The following NELL2 variants were observed in gnomAD, a reference collection of about 807,000 sequenced individuals.
NELL2 encodes protein kinase C-binding protein NELL2.
Under a neutral mutation model 109.6 loss-of-function variants are expected in NELL2, and 41 were observed. The observed-to-expected ratio is 0.37, with a 90% confidence interval of 0.29 to 0.49. The LOEUF (loss-of-function observed/expected upper bound fraction) is 0.49, where lower values mean the gene tolerates loss of function less well. NELL2 is among the 20% of genes least tolerant of loss of function. The pLI is 0.98. For synonymous variants in NELL2, 355 were observed against 344.7 expected (o/e 1.03, Z -0.33); for missense variants, 900 against 1,008.3 (o/e 0.89, Z 1.45).
chr12:44,791,089 A>ATATATG (rs1942378860), intron 3 of NELL2, among the ~76,000 whole-genome samples: 1 of 12,120 alleles, frequency 8.3e-5, no homozygotes, highest in African/African-American at 2.0e-4. Flanking sequence ...ATACATATAT[A>ATATATG]TATATATGTA....
chr12:44,788,092 C>T (rs1042923428), intron 3 of NELL2, among the ~76,000 whole-genome samples: 1 of 152,022 alleles, frequency 6.6e-6, no homozygotes, highest in Non-Finnish European at 1.5e-5. Flanking sequence ...TATAAAAGAA[C>T]TCTCAAAACT....
intron 13 of NELL2, among the ~76,000 whole-genome samples, chr12:44,647,099 T>C (rs1043668463): frequency 6.6e-6 from 1 of 152,106 alleles, no homozygotes; most frequent in African/African-American, 2.4e-5. Context: ...TCTAAACACC[T>C]AGAATTTGAG....
chr12:44,879,998 C>T (rs1945392433), upstream of NELL2, among the ~76,000 whole-genome samples: 1 of 151,714 alleles, frequency 6.6e-6, no homozygotes, highest in African/African-American at 2.4e-5. Flanking sequence ...AAGTGACTTT[C>T]TATGACTTCT....
chr12:44,712,983 G>A (rs1426679630), intron 10 of NELL2, among the ~76,000 whole-genome samples: 3 of 151,772 alleles, frequency 2.0e-5, no homozygotes, highest in Non-Finnish European at 4.4e-5. Context: ...CAAATAAAAG[G>A]TAACATTCAC....
chr12:44,857,579 G>T (rs1944719831), intron 2 of NELL2, among the ~76,000 whole-genome samples: 1 of 152,070 alleles, frequency 6.6e-6, no homozygotes, highest in Non-Finnish European at 1.5e-5. Flanking sequence ...AGGTTATCCA[G>T]ACAGAGCCAG....
At chr12:44,903,776 A>G (rs1945689073) in intron 1 of NELL2, among the ~76,000 whole-genome samples, 1 of 151,938 alleles carries the variant, frequency 6.6e-6, no homozygotes, top group Non-Finnish European at 1.5e-5. Flanking sequence ...TTCTCAGCAA[A>G]CTAACACAGG....
At chr12:44,921,016 A>G (rs1219229417) in intron 1 of NELL2, among the ~76,000 whole-genome samples, 4 of 152,168 alleles carry the variant, frequency 2.6e-5, no homozygotes, top group Admixed American at 2.6e-4. Flanking sequence ...TCTCAGTGAA[A>G]TCATTTGAGA....
At chr12:44,742,596 T>G (rs1940051899) in intron 9 of NELL2, among the ~76,000 whole-genome samples, 1 of 151,996 alleles carries the variant, frequency 6.6e-6, no homozygotes, top group Non-Finnish European at 1.5e-5. Context: ...GAACAACCAA[T>G]GCAGAGAAGT....
Position 44,875,861 on chromosome 12 carries a change from A to G in NELL2, c.9T>C (p.Ser3=), listed in dbSNP as rs1232235130. The G allele has an allele frequency of 8.7e-6, 14 of 1,613,934 alleles. No homozygotes were observed. Among genetic ancestry groups the G allele is most frequent in the Non-Finnish European group, 1.2e-5 (14 of 1,180,030 alleles). ...AACAGAATGTTCTCAGTAAGACCCGAGACTCCATGGTGCGGATCAGCTCAG... is the reference window on the plus strand; with the variant it reads ...AACAGAATGTTCTCAGTAAGACCCGGGACTCCATGGTGCGGATCAGCTCAG... The part of the protein sequence containing the change: ME[S]RVLLRTFCLI... The change falls in exon 1 of 20, where the codon TCT becomes TCC. Residue 3 remains serine, a synonymous_variant. Coordinates refer to ENST00000429094, the MANE Select transcript of NELL2 (RefSeq NM_001145108.2).
At chr12:44,653,768 A>G (rs1947387074) in intron 13 of NELL2, among the ~76,000 whole-genome samples, 1 of 152,172 alleles carries the variant, frequency 6.6e-6, no homozygotes, top group South Asian at 2.1e-4. Context: ...TTGGCAAAAA[A>G]GAAAAATAAC....
chr12:44,786,016 C>T (rs1031534670), intron 3 of NELL2, among the ~76,000 whole-genome samples: 35 of 89,168 alleles, frequency 3.9e-4, no homozygotes, highest in African/African-American at 1.4e-3. Context: ...AACAAAAGCA[C>T]AGTTGACAAA....
intron 3 of NELL2, among the ~76,000 whole-genome samples, chr12:44,796,811 C>A (rs577490776): frequency 1.3e-5 from 2 of 151,956 alleles, no homozygotes; most frequent in Admixed American, 6.6e-5. Context: ...GCCCTAGCAT[C>A]CAACATGATG....
At chr12:44,627,672 C>CT (rs144936375) in intron 13 of NELL2, among the ~76,000 whole-genome samples, 25,977 of 151,978 alleles carry the variant, frequency 0.17, 3,502 homozygotes, top group African/African-American at 0.37. Context: ...ACATACTTGC[C>CT]TGCAGATATA....
intron 2 of NELL2, among the ~76,000 whole-genome samples, chr12:44,817,480 C>A (rs1459796021): frequency 6.6e-6 from 1 of 152,024 alleles, no homozygotes; most frequent in African/African-American, 2.4e-5. Flanking sequence ...GAGGTAGGTA[C>A]AAAGTGTTAA....
chr12:44,778,314 A>G (rs1941827624), intron 5 of NELL2, among the ~76,000 whole-genome samples: 1 of 152,090 alleles, frequency 6.6e-6, no homozygotes, highest in African/African-American at 2.4e-5. Context: ...ATATTTAAGT[A>G]TTTTTACTGT....
intron 2 of NELL2, among the ~76,000 whole-genome samples, chr12:44,824,420 T>G (rs1034495179): frequency 6.6e-6 from 1 of 152,322 alleles, no homozygotes; most frequent in Non-Finnish European, 1.5e-5. Flanking sequence ...GGAGTTGATG[T>G]CTGTATATGG....
chr12:44,515,551 G>T (rs951628080), intron 19 of NELL2, among the ~76,000 whole-genome samples: 1 of 151,724 alleles, frequency 6.6e-6, no homozygotes, highest in East Asian at 1.9e-4. Flanking sequence ...TGGAGTGTTG[G>T]ATATATTCTG....
upstream of NELL2, chr12:44,876,791 G>A: frequency 7.2e-7 from 1 of 1,386,160 alleles, no homozygotes; most frequent in Non-Finnish European, 9.4e-7. Context: ...CAGGGCGTGC[G>A]GAGGAAGGCC....
chr12:44,636,148 T>C (rs1489369743), intron 13 of NELL2, among the ~76,000 whole-genome samples: 2 of 152,216 alleles, frequency 1.3e-5, no homozygotes, highest in Non-Finnish European at 2.9e-5. Context: ...TCCTGAGACT[T>C]TGCTGAGGTT....
Sources: gnomAD v4.1 joint callset for allele counts (sites outside exome capture counted in the v4.1 genomes callset) on GRCh38, gnomAD v4.1.1 for gene constraint, MANE v1.5 for transcripts, NCBI Gene and HGNC (gene_info 2026-07-23, HGNC 2026-07-21) for gene names.